KCNT2: variants seen among roughly 807,000 people sequenced by gnomAD.
The protein encoded by KCNT2 is potassium sodium-activated channel subfamily T member 2.
Under a neutral mutation model 153.8 loss-of-function variants are expected in KCNT2, and 67 were observed. The observed-to-expected ratio is 0.44, with a 90% CI of 0.36 to 0.53. The LOEUF (loss-of-function observed/expected upper bound fraction) is 0.53, where lower values mean the gene tolerates loss of function less well. KCNT2 is among the 20% of genes least tolerant of loss of function. The probability of loss-of-function intolerance (pLI) is 0.00; values close to 1 mark genes in which losing one functional copy is unlikely to be tolerated. For missense variants in KCNT2, 975 were observed against 1,354.8 expected (o/e 0.72, Z 4.40); for synonymous variants, 500 against 458.8 (o/e 1.09, Z -1.15).
rs553222468 is a variant in KCNT2, at chr1:196,489,476, A to C, written c.275+362T>G. Among the ~76,000 whole-genome samples, 8 of 152,162 alleles carry C rather than the reference A, an allele frequency of 5.3e-5. 2 individuals are homozygous for C. Among genetic ancestry groups the C allele is most frequent in the African/African-American group, 1.9e-4 (8 of 41,552 alleles). ...AGTCTTATGAGGAGATTACAATGTT[A>C]AATAGGAAGCTTCATATTATCTTTT... On this transcript the variant is annotated intron_variant, in intron 3 of 27. Transcript: ENST00000294725.
intron 23 of KCNT2, among the ~76,000 whole-genome samples, chr1:196,283,467 G>GAAAT (rs919266882): frequency 6.6e-6 from 1 of 151,800 alleles, no homozygotes; most frequent in African/African-American, 2.4e-5. Context: ...TAAATAAAAT[G>GAAAT]AAATAAATAA....
chr1:196,514,011 A>G (rs1482286485), intron 1 of KCNT2, among the ~76,000 whole-genome samples: 1 of 152,198 alleles, frequency 6.6e-6, no homozygotes, highest in Non-Finnish European at 1.5e-5. Flanking sequence ...ACCAGATGGA[A>G]TGCATCATTA....
At chr1:196,358,660 T>A (rs1667372524) in intron 14 of KCNT2, among the ~76,000 whole-genome samples, 1 of 152,026 alleles carries the variant, frequency 6.6e-6, no homozygotes, top group African/African-American at 2.4e-5. Context: ...TATTTGACTC[T>A]CTTTTTAAAT....
chr1:196,481,278 T>A (rs568099636), intron 4 of KCNT2, among the ~76,000 whole-genome samples: 1 of 151,900 alleles, frequency 6.6e-6, no homozygotes, highest in Non-Finnish European at 1.5e-5. Flanking sequence ...GTGGAATGAG[T>A]GTAGAATGAA....
chr1:196,380,193 A>G (rs1319295710), intron 13 of KCNT2, among the ~76,000 whole-genome samples: 2 of 152,190 alleles, frequency 1.3e-5, no homozygotes, highest in Non-Finnish European at 2.9e-5. Context: ...GTCAATAGAA[A>G]CTGCCTCAAC....
At chr1:196,292,770 C>T (rs1164147506) in intron 22 of KCNT2, among the ~76,000 whole-genome samples, 1 of 145,424 alleles carries the variant, frequency 6.9e-6, no homozygotes, top group Non-Finnish European at 1.5e-5. Flanking sequence ...GGAGATTGCG[C>T]CACTGCACTC....
chr1:196,371,498 A>G (rs1668532375), intron 14 of KCNT2, among the ~76,000 whole-genome samples: 1 of 152,080 alleles, frequency 6.6e-6, no homozygotes, highest in Admixed American at 6.6e-5. Context: ...ATTGTATAGT[A>G]TGTAAGTTTT....
chr1:196,379,851 G>A (rs1449197516), intron 13 of KCNT2, among the ~76,000 whole-genome samples: 1 of 152,034 alleles, frequency 6.6e-6, no homozygotes, highest in Admixed American at 6.6e-5. Context: ...GTGAATTACA[G>A]TAGTGTTTAC....
At chr1:196,310,281 CTT>C (rs1348903615) in intron 21 of KCNT2, among the ~76,000 whole-genome samples, 3 of 151,800 alleles carry the variant, frequency 2.0e-5, no homozygotes, top group Non-Finnish European at 2.9e-5. Flanking sequence ...TACAGACACA[CTT>C]AGATACACAT....
intron 5 of KCNT2, among the ~76,000 whole-genome samples, chr1:196,472,919 A>T (rs1482699712): frequency 2.6e-5 from 4 of 152,142 alleles, no homozygotes; most frequent in Admixed American, 2.0e-4. Context: ...CCTTTACGCC[A>T]GACCAGGCCT....
intron 14 of KCNT2, among the ~76,000 whole-genome samples, chr1:196,347,524 G>A (rs550666492): frequency 6.6e-6 from 1 of 152,234 alleles, no homozygotes; most frequent in Admixed American, 6.5e-5. Context: ...TCCAGTGAAT[G>A]CTTTCACAAA....
intron 15 of KCNT2, among the ~76,000 whole-genome samples, chr1:196,340,796 C>T (rs567895339): frequency 7.2e-5 from 11 of 151,746 alleles, no homozygotes; most frequent in African/African-American, 1.9e-4. Flanking sequence ...AATGGAAGAA[C>T]ATAAGAAACA....
chr1:196,299,925 A>G (rs889722466), intron 22 of KCNT2, among the ~76,000 whole-genome samples: 1 of 152,250 alleles, frequency 6.6e-6, no homozygotes, highest in Non-Finnish European at 1.5e-5. Context: ...ATCTGTAAAA[A>G]TAATGAAATC....
At chr1:196,440,314 A>G (rs1032168455) in intron 8 of KCNT2, among the ~76,000 whole-genome samples, 1 of 152,026 alleles carries the variant, frequency 6.6e-6, no homozygotes, top group African/African-American at 2.4e-5. Flanking sequence ...ATTTGGCAGT[A>G]AATATTAAGC....
intron 1 of KCNT2, among the ~76,000 whole-genome samples, chr1:196,508,189 CAAAAAAAAAAA>C (rs10539910): frequency 6.7e-5 from 4 of 59,984 alleles, no homozygotes; most frequent in African/African-American, 2.7e-4. Flanking sequence ...CCCTAAGTAG[CAAAAAAAAAAA>C]AAAAAAAAAA....
At chr1:196,367,948 T>C in intron 14 of KCNT2, among the ~76,000 whole-genome samples, 1 of 152,144 alleles carries the variant, frequency 6.6e-6, no homozygotes, top group East Asian at 1.9e-4. Context: ...AAGCAGAGAA[T>C]GCATTTTACG....
At chr1:196,533,581 A>G (rs1655201181) in intron 1 of KCNT2, among the ~76,000 whole-genome samples, 1 of 152,066 alleles carries the variant, frequency 6.6e-6, no homozygotes, top group African/African-American at 2.4e-5. Flanking sequence ...GTCATGTTAG[A>G]TTTGAGGAAA....
At chr1:196,431,840 AG>A (rs1379403695) in intron 8 of KCNT2, among the ~76,000 whole-genome samples, 1 of 152,172 alleles carries the variant, frequency 6.6e-6, no homozygotes, top group Non-Finnish European at 1.5e-5. Context: ...ATTGTGCTCC[AG>A]AGAAAACACC....
intron 12 of KCNT2, among the ~76,000 whole-genome samples, chr1:196,404,527 A>G (rs1671673908): frequency 1.3e-5 from 2 of 151,560 alleles, no homozygotes; most frequent in South Asian, 4.1e-4. Context: ...ACTCATAACC[A>G]GCATTTCCCA....
Sources: gnomAD v4.1 joint callset for allele counts (sites outside exome capture counted in the v4.1 genomes callset) on GRCh38, gnomAD v4.1.1 for gene constraint, MANE v1.5 for transcripts, NCBI Gene and HGNC (gene_info 2026-07-23, HGNC 2026-07-21) for gene names.